LUZP2: variants seen among roughly 807,000 people sequenced by gnomAD.
LUZP2 encodes the protein leucine zipper protein 2.
Under a neutral mutation model 51.6 loss-of-function variants are expected in LUZP2, and 52 were observed. That is an observed-to-expected ratio of 1.01 (90% CI 0.81 to 1.27). The LOEUF is 1.27. Among genes scored for constraint, LUZP2 ranks in the 50% most tolerant of loss-of-function variants. The pLI, the probability that LUZP2 is intolerant of heterozygous loss-of-function variation, is 0.00. For missense variants in LUZP2, 436 were observed against 395.4 expected, an observed-to-expected ratio of 1.10 and a Z score of -0.87; for synonymous variants, 154 against 137.3, an observed-to-expected ratio of 1.12 and a Z score of -0.85.
chr11:24,928,340 TC>T (rs776949916), intron 7 of LUZP2, among the ~76,000 whole-genome samples: 22 of 152,012 alleles, frequency 1.4e-4, no homozygotes, highest in Non-Finnish European at 1.2e-4. Flanking sequence ...GCTTTCAACT[TC>T]TCCTTGTTTA....
chr11:24,657,349 A>G (rs142148979), intron 1 of LUZP2, among the ~76,000 whole-genome samples: 19 of 152,298 alleles, frequency 1.2e-4, no homozygotes, highest in African/African-American at 4.3e-4. Flanking sequence ...CTGAGTAAAT[A>G]GTGTACGTTT....
intron 5 of LUZP2, among the ~76,000 whole-genome samples, chr11:24,866,036 T>C (rs541770742): frequency 6.6e-6 from 1 of 151,538 alleles, no homozygotes; most frequent in Non-Finnish European, 1.5e-5. Context: ...CTCGAACTCT[T>C]GACCTCGAGT....
At chr11:24,838,239 C>G (rs1018050323) in intron 5 of LUZP2, among the ~76,000 whole-genome samples, 5 of 151,480 alleles carry the variant, frequency 3.3e-5, no homozygotes, top group Non-Finnish European at 4.4e-5. Context: ...GTATATTTTG[C>G]CATTAATAGT....
chr11:24,947,213 A>G (rs1251188249), intron 7 of LUZP2, among the ~76,000 whole-genome samples: 1 of 152,022 alleles, frequency 6.6e-6, no homozygotes, highest in Non-Finnish European at 1.5e-5. Flanking sequence ...TATTATTAAG[A>G]AAGTCATAGG....
At chr11:24,697,073 G>T (rs537260471) in intron 1 of LUZP2, among the ~76,000 whole-genome samples, 50 of 152,234 alleles carry the variant, frequency 3.3e-4, no homozygotes, top group Admixed American at 6.5e-4. Flanking sequence ...AATGATTAAG[G>T]TCTGTTAAGG....
chr11:24,747,983 T>G (rs1292182933), intron 4 of LUZP2, among the ~76,000 whole-genome samples: 2 of 152,174 alleles, frequency 1.3e-5, no homozygotes, highest in Non-Finnish European at 2.9e-5. Context: ...GCTACCCACC[T>G]TCCAGCTTTG....
chr11:24,723,077 A>T (rs1858338302), intron 1 of LUZP2, among the ~76,000 whole-genome samples: 1 of 152,216 alleles, frequency 6.6e-6, no homozygotes, highest in South Asian at 2.1e-4. Flanking sequence ...GGCAAAAGTC[A>T]TGAGTGAGCA....
intron 10 of LUZP2, among the ~76,000 whole-genome samples, chr11:25,062,890 C>T (rs1022582149): frequency 2.0e-5 from 3 of 151,318 alleles, no homozygotes; most frequent in Non-Finnish European, 4.4e-5. Flanking sequence ...TTAGTTAATC[C>T]GCATATTTTT....
intron 1 of LUZP2, among the ~76,000 whole-genome samples, chr11:24,686,983 G>A (rs1016571545): frequency 7.9e-5 from 12 of 152,094 alleles, no homozygotes; most frequent in South Asian, 2.1e-4. Context: ...GCCCCAAGGC[G>A]ACCAGCAGTG....
At chr11:24,717,775 A>C (rs565509303) in intron 1 of LUZP2, among the ~76,000 whole-genome samples, 1 of 151,656 alleles carries the variant, frequency 6.6e-6, no homozygotes, top group Non-Finnish European at 1.5e-5. Context: ...CATTAGACCC[A>C]AGTGTCTGTT....
chr11:24,583,752 G>A (rs1192069855), intron 1 of LUZP2, among the ~76,000 whole-genome samples: 1 of 149,712 alleles, frequency 6.7e-6, no homozygotes, highest in African/African-American at 2.5e-5. Flanking sequence ...CGCCCAGGCT[G>A]GAGCTCAGTG....
At chr11:25,029,884 A>C (rs1565252638) in intron 9 of LUZP2, among the ~76,000 whole-genome samples, 1 of 152,132 alleles carries the variant, frequency 6.6e-6, no homozygotes, top group Non-Finnish European at 1.5e-5. Flanking sequence ...ATTTTATAGA[A>C]GTATAAACAA....
chr11:24,643,175 G>A (rs1855351486), intron 1 of LUZP2, among the ~76,000 whole-genome samples: 1 of 150,588 alleles, frequency 6.6e-6, no homozygotes, highest in Admixed American at 6.6e-5. Flanking sequence ...TTAGGAGGCG[G>A]AGGGAGGCAG....
At chr11:24,759,423 A>G (rs1859899907) in intron 4 of LUZP2, among the ~76,000 whole-genome samples, 1 of 152,148 alleles carries the variant, frequency 6.6e-6, no homozygotes, top group Non-Finnish European at 1.5e-5. Context: ...TATATTTTTA[A>G]TGTTCAAAAT....
At chr11:24,916,784 A>G (rs1361688683) in intron 7 of LUZP2, among the ~76,000 whole-genome samples, 1 of 152,114 alleles carries the variant, frequency 6.6e-6, no homozygotes, top group African/African-American at 2.4e-5. Context: ...GAATAGTGAT[A>G]CCATAAACAT....
intron 1 of LUZP2, among the ~76,000 whole-genome samples, chr11:24,523,635 C>G (rs1429167114): frequency 8.6e-5 from 13 of 151,294 alleles, no homozygotes; most frequent in African/African-American, 3.1e-4. Context: ...AGCTCTAAAT[C>G]AAGATCCTGG....
chr11:25,046,875 G>A (rs1326740141), intron 9 of LUZP2, among the ~76,000 whole-genome samples: 2 of 152,084 alleles, frequency 1.3e-5, no homozygotes, highest in Non-Finnish European at 2.9e-5. Flanking sequence ...AAATGGCATG[G>A]AGACAATAAT....
At chr11:24,993,093 G>C (rs181147607) in intron 9 of LUZP2, among the ~76,000 whole-genome samples, 786 of 152,088 alleles carry the variant, frequency 5.2e-3, no homozygotes, top group Non-Finnish European at 8.3e-3. Context: ...GAATTTTCAG[G>C]GAAATTAGAC....
chr11:24,761,737 A>C (rs1354681665), intron 4 of LUZP2, among the ~76,000 whole-genome samples: 1 of 152,206 alleles, frequency 6.6e-6, no homozygotes, highest in Non-Finnish European at 1.5e-5. Flanking sequence ...TACTACCATA[A>C]CAAATTCACT....
Sources: allele counts gnomAD v4.1 joint callset (sites outside exome capture counted in the v4.1 genomes callset), GRCh38; gene constraint gnomAD v4.1.1; transcripts MANE v1.5; gene names NCBI Gene and HGNC (gene_info 2026-07-23, HGNC 2026-07-21).